FADS2: variants seen among roughly 807,000 people sequenced by gnomAD.
FADS2 encodes acyl-CoA 6-desaturase.
In FADS2, 18 loss-of-function variants were observed where a neutral mutation model predicts 61.2. The observed-to-expected ratio is 0.29, with a 90% CI of 0.20 to 0.44. FADS2 has a LOEUF of 0.44. FADS2 is among the 20% of genes least tolerant of loss of function. The pLI, the probability that FADS2 is intolerant of heterozygous loss-of-function variation, is 1.00. For missense variants in FADS2, 322 were observed against 572.7 expected (o/e 0.56, Z 4.47); for synonymous variants, 203 against 223.9 (o/e 0.91, Z 0.83).
intron 6 of FADS2, 99 bp downstream of exon 6, chr11:61,857,170 G>T: frequency 9.1e-7 from 1 of 1,098,542 alleles, no homozygotes; most frequent in East Asian, 2.4e-5. Flanking sequence ...GATCCAGAAA[G>T]TGACACTAAA....
At chr11:61,859,126 C>T (rs971741109) in intron 7 of FADS2, among the ~76,000 whole-genome samples, 3 of 152,080 alleles carry the variant, frequency 2.0e-5, no homozygotes, top group Non-Finnish European at 2.9e-5. Context: ...GGCGTGATCT[C>T]GGCTCACCGA....
chr11:61,865,773 G>A lies in FADS2; in HGVS notation c.*84G>A. ...ATGATGGGCTTTTGTTCTGAGGGGTGTCCGAGAGGCTGGTGTATGCACTGC... is the reference window on the plus strand; with the variant it reads ...ATGATGGGCTTTTGTTCTGAGGGGTATCCGAGAGGCTGGTGTATGCACTGC... On this transcript the variant is annotated 3_prime_UTR_variant, in exon 12 of 12. Coordinates refer to ENST00000278840, the MANE Select transcript of FADS2 (RefSeq NM_004265.4). This position sits in a 1 kb window ranked among gnomAD's most constrained non-coding sequence, Gnocchi z 4.1. The A allele has an allele frequency of 8.3e-7, 1 of 1,206,674 alleles. No homozygotes were observed. 74.7% of individuals were successfully genotyped at this position (1,206,674 alleles called of 1,614,324 possible). A position where few individuals can be genotyped will look rare whatever the true frequency, so the allele number is the denominator to read the frequency against.
intron 1 of FADS2, among the ~76,000 whole-genome samples, chr11:61,834,278 T>C (rs2067152425): frequency 6.6e-6 from 1 of 152,226 alleles, no homozygotes; most frequent in Non-Finnish European, 1.5e-5. Flanking sequence ...CTCGGTTTTC[T>C]AAAACGGCAG....
intron 4 of FADS2, among the ~76,000 whole-genome samples, chr11:61,845,030 C>CTTTTTT (rs71046747): frequency 4.5e-5 from 2 of 44,164 alleles, no homozygotes; most frequent in African/African-American, 1.7e-4. Flanking sequence ...CAGAAGTGCA[C>CTTTTTT]TTTTTTTTTT....
At chr11:61,841,947 G>A (rs2067221131) in intron 4 of FADS2, among the ~76,000 whole-genome samples, 1 of 152,190 alleles carries the variant, frequency 6.6e-6, no homozygotes, top group African/African-American at 2.4e-5. Context: ...AAGACAAGCT[G>A]GAATTGCCAA....
chr11:61,856,742 A>T, intron 5 of FADS2: 1 of 484,632 alleles, frequency 2.1e-6, no homozygotes, highest in South Asian at 3.5e-5. Flanking sequence ...CCTCAGCCTC[A>T]GAAGTGCCGG....
At chr11:61,862,606 T>C in intron 7 of FADS2, 1 of 292,310 alleles carries the variant, frequency 3.4e-6, no homozygotes, top group Non-Finnish European at 6.6e-6. Context: ...GGGACAGGAC[T>C]GGGGGACGGT....
chr11:61,857,432 A>G (rs1343485953), intron 6 of FADS2, 22 bp from the exon 7 acceptor site: 1 of 1,610,758 alleles, frequency 6.2e-7, no homozygotes, highest in Admixed American at 1.7e-5. Flanking sequence ...GATGCCTCTA[A>G]GCGCCTGTCT....
chr11:61,819,950 C>T (rs1176350269), intron 1 of FADS2, among the ~76,000 whole-genome samples: 9 of 146,640 alleles, frequency 6.1e-5, no homozygotes, highest in East Asian at 2.1e-4. Context: ...AGGTTGGGCG[C>T]GGTGGCTCAC....
At chr11:61,856,834 A>G (rs2067363306) in intron 5 of FADS2, 177 bp from the exon 6 acceptor site, 4 of 618,206 alleles carry the variant, frequency 6.5e-6, no homozygotes, top group Non-Finnish European at 1.2e-5. Flanking sequence ...TAGCATGGGG[A>G]GCCCAGAGGG....
At chr11:61,843,745 G>A (rs888588744) in intron 4 of FADS2, among the ~76,000 whole-genome samples, 18 of 152,094 alleles carry the variant, frequency 1.2e-4, no homozygotes, top group Non-Finnish European at 2.1e-4. Flanking sequence ...TGAAACCTCC[G>A]TCTCCCGGGT....
In FADS2 at chr11:61,816,860, C is replaced by G; in HGVS notation, c.141+434C>G. 1 of 1,480,626 alleles carries G rather than the reference C, an allele frequency of 6.8e-7. No individual in the cohort carries two copies. Among genetic ancestry groups the G allele is most frequent in the South Asian group, 1.3e-5 (1 of 77,502 alleles). The allele number at this position is 1,480,626 out of a possible 1,614,324, so 91.7% of individuals were successfully genotyped here. A position where few individuals can be genotyped will look rare whatever the true frequency, so the allele number is the denominator to read the frequency against. ...TGGATTTGCTGGCGCGCGCCCAGAG[C>G]CAGCCGCCTGCGCGCCGGGTTTTCA... On this transcript the variant is annotated intron_variant, in intron 1 of 11. Transcript: ENST00000257261. This position sits in a 1 kb window ranked among gnomAD's most constrained non-coding sequence, Gnocchi z 7.0.
chr11:61,817,668 G>A (rs116980792), intron 1 of FADS2, among the ~76,000 whole-genome samples: 3,785 of 152,248 alleles, frequency 0.025, 95 homozygotes, highest in Middle Eastern at 0.041. Flanking sequence ...GCCTGGAGGC[G>A]CCTAGGAGCC....
At chr11:61,817,963 G>A (rs1471241698) in intron 1 of FADS2, among the ~76,000 whole-genome samples, 1 of 152,158 alleles carries the variant, frequency 6.6e-6, no homozygotes, top group Non-Finnish European at 1.5e-5. Context: ...AACTGAGCCC[G>A]GGGGAGGTTA....
chr11:61,828,746 C>T lies in FADS2; in HGVS notation c.207+149C>T, dbSNP rs981271677. The T allele has an allele frequency of 2.4e-5, 16 of 676,346 alleles. No homozygotes were observed. Among genetic ancestry groups the T allele is most frequent in the African/African-American group, 5.4e-5 (3 of 55,106 alleles). The allele number at this position is 676,346 out of a possible 1,614,324, so 41.9% of individuals were successfully genotyped here. On this transcript the variant is annotated intron_variant, in intron 1 of 11. Coordinates refer to ENST00000278840, the MANE Select transcript of FADS2 (RefSeq NM_004265.4). The surrounding 1 kb of genome is among the most constrained non-coding windows in gnomAD (Gnocchi z 6.4). ...AAAGTGCATCTATTGCACTCGTACC[C>T]CCTCCCCAATCCTCCTCCTCCTCTG...
At chr11:61,845,237 G>A (rs2067247827) in intron 4 of FADS2, among the ~76,000 whole-genome samples, 1 of 151,482 alleles carries the variant, frequency 6.6e-6, no homozygotes, top group Admixed American at 6.7e-5. Flanking sequence ...CTCCAGCTGC[G>A]TGGACACTTA....
intron 8 of FADS2, 87 bp downstream of exon 8, chr11:61,863,156 T>C: frequency 6.8e-7 from 1 of 1,462,078 alleles, no homozygotes; most frequent in East Asian, 2.3e-5. Flanking sequence ...ACGGCTCCAC[T>C]TTGCCTGGGG....
At chr11:61,835,215 C>T (rs1027844135) in intron 1 of FADS2, among the ~76,000 whole-genome samples, 2 of 152,054 alleles carry the variant, frequency 1.3e-5, no homozygotes, top group Non-Finnish European at 2.9e-5. Context: ...TTCTCCTGCA[C>T]GAAGTGTTGC....
intron 4 of FADS2, among the ~76,000 whole-genome samples, chr11:61,844,608 C>A (rs2135964562): frequency 6.6e-6 from 1 of 151,252 alleles, no homozygotes; most frequent in Non-Finnish European, 1.5e-5. Flanking sequence ...CAGAAACCAT[C>A]AAACTCAGCA....
Sources: gnomAD v4.1 joint callset for allele counts (sites outside exome capture counted in the v4.1 genomes callset) on GRCh38, gnomAD v4.1.1 for gene constraint, Gnocchi (gnomAD v3.1) non-coding constraint, MANE v1.5 for transcripts, NCBI Gene and HGNC (gene_info 2026-07-23, HGNC 2026-07-21) for gene names.